The following ATG7 variants were observed in gnomAD, a reference collection of about 807,000 sequenced individuals.
ATG7 encodes the protein autophagy related 7.
In ATG7, 70 loss-of-function variants were observed where a neutral mutation model predicts 82.4. The observed-to-expected ratio is 0.85, with a 90% CI of 0.70 to 1.04. The LOEUF (loss-of-function observed/expected upper bound fraction) is 1.04. Ranked by LOEUF, ATG7 falls within the 50% of genes least tolerant of loss-of-function variation. The pLI is 0.00. For synonymous variants in ATG7, 287 were observed against 313.0 expected (o/e 0.92, Z 0.88); for missense variants, 792 against 864.3 (o/e 0.92, Z 1.05).
At chr3:11,543,079 C>T (rs1427646606) in intron 20 of ATG7, among the ~76,000 whole-genome samples, 1 of 152,198 alleles carries the variant, frequency 6.6e-6, no homozygotes, top group Non-Finnish European at 1.5e-5. Flanking sequence ...TAGATGGCGG[C>T]GTCCTCCAAC....
intron 19 of ATG7, among the ~76,000 whole-genome samples, chr3:11,415,147 G>A (rs73122114): frequency 0.027 from 4,169 of 152,214 alleles, 178 homozygotes; most frequent in African/African-American, 0.094. Context: ...ATAACACAAC[G>A]GTAAGTACTT....
At chr3:11,417,799 TA>T (rs2081497921) in intron 19 of ATG7, among the ~76,000 whole-genome samples, 2 of 45,250 alleles carry the variant, frequency 4.4e-5, no homozygotes, top group African/African-American at 1.4e-4. Context: ...TTATTATTAT[TA>T]TTTTATTTTA....
intron 20 of ATG7, chr3:11,446,492 A>T: frequency 2.2e-6 from 1 of 446,106 alleles, no homozygotes; most frequent in Non-Finnish European, 4.5e-6. Context: ...ACTTTATTGT[A>T]TCTGGTTTAC....
chr3:11,442,631 G>T (rs2152970960), intron 20 of ATG7, among the ~76,000 whole-genome samples: 1 of 150,200 alleles, frequency 6.7e-6, no homozygotes, highest in Admixed American at 6.7e-5. Flanking sequence ...CCAGGTGCGT[G>T]GGATTACATG....
chr3:11,574,785 A>ATG, the ATG7 span, among the ~76,000 whole-genome samples: 17,024 of 121,386 alleles, frequency 0.14, 1,237 homozygotes, highest in Middle Eastern at 0.21. Flanking sequence ...TCAACTATAT[A>ATG]TGTGTGTGTG....
chr3:11,454,956 A>T (rs2085556391), intron 20 of ATG7, among the ~76,000 whole-genome samples: 1 of 152,188 alleles, frequency 6.6e-6, no homozygotes, highest in Admixed American at 6.5e-5. Context: ...GAGGGTTTTT[A>T]AAATATTATC....
the ATG7 span, among the ~76,000 whole-genome samples, chr3:11,573,253 A>AATAG: frequency 6.8e-4 from 3 of 4,406 alleles, no homozygotes; most frequent in African/African-American, 1.1e-3. Flanking sequence ...TAGAGAAAGA[A>AATAG]AGAAAGAAAG....
At chr3:11,566,060 TC>T in the ATG7 span, among the ~76,000 whole-genome samples, 1 of 152,210 alleles carries the variant, frequency 6.6e-6, no homozygotes, top group Non-Finnish European at 1.5e-5. Context: ...CTACAAGTAG[TC>T]ACCTGTCTTA....
intron 19 of ATG7, among the ~76,000 whole-genome samples, chr3:11,419,045 C>T (rs991969746): frequency 6.6e-6 from 1 of 152,050 alleles, no homozygotes; most frequent in African/African-American, 2.4e-5. Context: ...TTAGTGGGGA[C>T]ACAGAGCCAA....
chr3:11,368,229 TAAAAAAA>T (rs760208581), intron 18 of ATG7, among the ~76,000 whole-genome samples: 5 of 109,340 alleles, frequency 4.6e-5, no homozygotes, highest in African/African-American at 1.0e-4. Flanking sequence ...TTCTTTTACT[TAAAAAAA>T]AAAAAAAAAA....
At chr3:11,370,795 AT>A (rs2076943145) in intron 18 of ATG7, among the ~76,000 whole-genome samples, 1 of 151,106 alleles carries the variant, frequency 6.6e-6, no homozygotes, top group Non-Finnish European at 1.5e-5. Flanking sequence ...ACTAAAGATA[AT>A]TGAATCCACC....
rs535528064 is a variant in ATG7, at chr3:11,451,946, A to G, written c.2079+25020A>G. ...ATACATATCTCTTAAATGAGATTCT[A>G]TTTTTGTGAAGTGTTCAGAATAGAC... is the stretch of plus-strand genomic sequence containing the variant. On this transcript the variant is annotated intron_variant, in intron 20 of 20. Coordinates refer to ENST00000693202, the MANE Select transcript of ATG7 (RefSeq NM_001349232.2). Among the ~76,000 whole-genome samples, 27 of 120,642 alleles carry G rather than the reference A, an allele frequency of 2.2e-4. No homozygotes were observed. In the South Asian group the frequency reaches 5.8e-3, roughly 26 times the overall value. The allele number at this position is 120,642 out of a possible 152,430, so 79.1% of individuals were successfully genotyped here. A position where few individuals can be genotyped will look rare whatever the true frequency, so the allele number is the denominator to read the frequency against.
intron 20 of ATG7, among the ~76,000 whole-genome samples, chr3:11,484,271 G>A (rs552142499): frequency 1.1e-4 from 17 of 152,064 alleles, no homozygotes; most frequent in Non-Finnish European, 1.9e-4. Context: ...GCGTGCACCT[G>A]TAATCCCAGC....
At chr3:11,452,115 G>A (rs1337581005) in intron 20 of ATG7, among the ~76,000 whole-genome samples, 5 of 151,988 alleles carry the variant, frequency 3.3e-5, no homozygotes, top group Admixed American at 3.3e-4. Context: ...CAGGTGTGGT[G>A]CCTCACATCT....
chr3:11,486,204 C>T (rs1398352337), intron 20 of ATG7, among the ~76,000 whole-genome samples: 1 of 152,070 alleles, frequency 6.6e-6, no homozygotes, highest in Non-Finnish European at 1.5e-5. Context: ...TGTTTGTGTC[C>T]TCTTTTATTT....
rs1559374937 is a variant in ATG7, at chr3:11,313,349, C to G, written c.457C>G (p.Leu153Val). The change falls in exon 8 of 21, where the codon CTC becomes GTC. Residue 153 changes from leucine to valine, a missense_variant. Physicochemically the swap from Leu to Val is conservative, Grantham distance 32. Transcript: ENST00000693202. ...HFYYWFCYPA[L>V]CLPESLPLIQ... ...CTACTATTGGTTTTGCTATCCTGCC[C>G]TCTGTCTTCCAGAGAGTTTACCTCT... 2.5e-6 allele frequency: 4 copies of G among 1,612,922 alleles called. No homozygotes were observed. The highest frequency in any genetic ancestry group is 2.2e-5 in the East Asian group (1 of 44,812).
At chr3:11,508,239 TG>T (rs1009878597) in intron 20 of ATG7, among the ~76,000 whole-genome samples, 2 of 150,722 alleles carry the variant, frequency 1.3e-5, no homozygotes, top group Non-Finnish European at 3.0e-5. Context: ...GTGTCTAAGG[TG>T]GGGGGGTGTC....
rs2125060115 is a variant in ATG7, at chr3:11,550,763, C to G, written c.2080-4048C>G. The stretch of plus-strand genomic sequence containing the variant: ...TATGGTATGTTGTTATGTTTTCTCT[C>G]AGTTTGCCTTTTTGACTGTTTTCCC... On this transcript the variant is annotated intron_variant, in intron 20 of 20. Coordinates refer to ENST00000693202, the MANE Select transcript of ATG7 (RefSeq NM_001349232.2). Among the ~76,000 whole-genome samples the G allele has an allele frequency of 2.0e-5, 3 of 152,154 alleles. No homozygotes were observed. In the South Asian group the frequency reaches 6.2e-4, roughly 32 times the overall value.
intron 20 of ATG7, among the ~76,000 whole-genome samples, chr3:11,427,543 C>T (rs557908971): frequency 1.8e-4 from 27 of 147,096 alleles, no homozygotes; most frequent in African/African-American, 5.8e-4. Context: ...ATCGGCCGGG[C>T]GAGGTGGCTC....
Sources: gnomAD v4.1 joint callset for allele counts (sites outside exome capture counted in the v4.1 genomes callset) on GRCh38, gnomAD v4.1.1 for gene constraint, MANE v1.5 for transcripts, NCBI Gene and HGNC (gene_info 2026-07-23, HGNC 2026-07-21) for gene names.